Variants in OPHN1 observed in about 807,000 individuals in gnomAD.
OPHN1 encodes the protein oligophrenin 1, also known as oligophrenin-1.
Under a neutral mutation model 60.7 loss-of-function variants are expected in OPHN1, and 11 were observed. The observed-to-expected ratio is 0.18, with a 90% CI of 0.11 to 0.30. The LOEUF (loss-of-function observed/expected upper bound fraction) is 0.30. Among genes scored for constraint, OPHN1 ranks in the 10% least tolerant of loss-of-function variants. OPHN1 has a pLI of 1.00. For synonymous variants in OPHN1, 226 were observed against 222.6 expected, an observed-to-expected ratio of 1.02 and a Z score of -0.14; for missense variants, 449 against 611.0, an observed-to-expected ratio of 0.73 and a Z score of 2.80.
chrX:68,328,771 A>G (rs2078280754), intron 2 of OPHN1, among the ~76,000 whole-genome samples: 1 of 112,159 alleles, frequency 8.9e-6, no homozygotes, highest in Non-Finnish European at 1.9e-5. Flanking sequence ...CTACAAAAAT[A>G]AGCACGTCAC....
At chrX:68,205,979 AGTGTGTGTGTGT>A (rs1228949782) in intron 10 of OPHN1, among the ~76,000 whole-genome samples, 1 of 91,217 alleles carries the variant, frequency 1.1e-5, no homozygotes, top group Non-Finnish European at 2.1e-5. Context: ...AGTGTGTGTG[AGTGTGTGTGTGT>A]GTGTGTGTGT....
At chrX:68,254,054 C>G (rs1314331051) in intron 5 of OPHN1, among the ~76,000 whole-genome samples, 1 of 111,704 alleles carries the variant, frequency 9.0e-6, no homozygotes, top group Admixed American at 9.6e-5. Flanking sequence ...TTACATGTTT[C>G]TCTCTCAGAA....
intron 18 of OPHN1, among the ~76,000 whole-genome samples, chrX:68,108,800 TG>T (rs938001167): frequency 9.0e-6 from 1 of 111,633 alleles, no homozygotes; most frequent in African/African-American, 3.2e-5. Flanking sequence ...TTGCTTTTAT[TG>T]GTGTTCAGTT....
chrX:68,433,138 A>C, intron 1 of OPHN1, 30 bp downstream of exon 1: 6 of 742,067 alleles, frequency 8.1e-6, no homozygotes, highest in Non-Finnish European at 1.2e-5. Context: ...AAGGAAGCTC[A>C]TAGCCTCCGT....
At chrX:68,181,568 T>C (rs912473826) in intron 15 of OPHN1, among the ~76,000 whole-genome samples, 1 of 111,529 alleles carries the variant, frequency 9.0e-6, no homozygotes, top group Non-Finnish European at 1.9e-5. Context: ...TTCACGCCTG[T>C]AATCCGAGCA....
chrX:68,198,718 G>A (rs916787209), intron 11 of OPHN1, among the ~76,000 whole-genome samples: 3 of 111,712 alleles, frequency 2.7e-5, no homozygotes, highest in African/African-American at 6.5e-5. Context: ...AGAGAGTTCA[G>A]CCACCCTGGA....
At chrX:68,144,218 C>T (rs897512072) in intron 15 of OPHN1, among the ~76,000 whole-genome samples, 9 of 109,573 alleles carry the variant, frequency 8.2e-5, no homozygotes, top group South Asian at 4.0e-4. Flanking sequence ...TTGGTAGAGA[C>T]CGGGTTTTGC....
chrX:68,422,394 G>A (rs967424359), intron 2 of OPHN1, among the ~76,000 whole-genome samples: 75 of 107,633 alleles, frequency 7.0e-4, no homozygotes, highest in African/African-American at 2.1e-3. Context: ...ATGGTGGCAC[G>A]TGCCTGTGGT....
At position 68,195,070 on chromosome X, in the gene OPHN1, GA is replaced by G. The variant is rs1237996282; in HGVS notation, c.1105-573del. ...AGGAAGGAAGGAAGGAAGGAAGAAAGAAAGAAAATACTTGAACAATCCCTGA... is the reference window on the plus strand; with the variant it reads ...AGGAAGGAAGGAAGGAAGGAAGAAAGAAGAAAATACTTGAACAATCCCTGA... On this transcript the variant is annotated intron_variant, in intron 12 of 24. Transcript: ENST00000355520. 9.6e-3 allele frequency among the ~76,000 whole-genome samples: 951 copies of G among 99,376 alleles called. 30 individuals are homozygous for G. Among genetic ancestry groups the G allele is most frequent in the African/African-American group, 0.044 (912 of 20,835 alleles). The allele number at this position is 99,376 out of a possible 115,157, so 86.3% of individuals were successfully genotyped here. A position where few individuals can be genotyped will look rare whatever the true frequency, so the allele number is the denominator to read the frequency against.
intron 2 of OPHN1, among the ~76,000 whole-genome samples, chrX:68,416,262 C>T (rs942603987): frequency 3.7e-5 from 4 of 107,980 alleles, no homozygotes; most frequent in African/African-American, 1.4e-4. Context: ...TAGCTGGTCT[C>T]GAACTACTGA....
Position 68,226,122 on chromosome X carries a change from C to T in OPHN1, c.486+8365G>A, listed in dbSNP as rs1028343584. Reference sequence around the variant, plus strand: ...AGCCGATTCGATCAAATGGAAGAAACGGTATCAGTGATGGAAGATGAAATG... The same window carrying T: ...AGCCGATTCGATCAAATGGAAGAAATGGTATCAGTGATGGAAGATGAAATG... On this transcript the variant is annotated intron_variant, in intron 6 of 24. Coordinates refer to ENST00000355520, the MANE Select transcript of OPHN1 (RefSeq NM_002547.3). Among the ~76,000 whole-genome samples, 4 of 111,177 alleles carry T rather than the reference C, an allele frequency of 3.6e-5. No individual in the cohort carries two copies. In the East Asian group the frequency reaches 8.5e-4, roughly 24 times the overall value.
intron 12 of OPHN1, among the ~76,000 whole-genome samples, 171 bp downstream of exon 12, chrX:68,197,015 G>A (rs1262787137): frequency 9.0e-6 from 1 of 111,216 alleles, no homozygotes; most frequent in Non-Finnish European, 1.9e-5. Context: ...AACCTTTCTG[G>A]AACTCCAGTT....
At chrX:68,403,320 A>C (rs1019633949) in intron 2 of OPHN1, among the ~76,000 whole-genome samples, 3 of 111,836 alleles carry the variant, frequency 2.7e-5, no homozygotes, top group Non-Finnish European at 5.6e-5. Context: ...TAAGTGGAAT[A>C]GAATATTGAG....
At chrX:68,265,026 G>GC (rs1270504494) in intron 5 of OPHN1, among the ~76,000 whole-genome samples, 1 of 112,574 alleles carries the variant, frequency 8.9e-6, no homozygotes, top group Non-Finnish European at 1.9e-5. Context: ...AAACAAAGCA[G>GC]CCGGGAAGCT....
chrX:68,214,693 A>G (rs772270626), intron 6 of OPHN1, among the ~76,000 whole-genome samples: 1 of 112,450 alleles, frequency 8.9e-6, no homozygotes, highest in South Asian at 3.7e-4. Context: ...TAAGGCAGAC[A>G]TTGTAGAAAT....
chrX:68,405,819 A>G (rs929431893), intron 2 of OPHN1, among the ~76,000 whole-genome samples: 6 of 111,452 alleles, frequency 5.4e-5, no homozygotes, highest in Admixed American at 4.8e-4. Flanking sequence ...TTGGGACATA[A>G]TGGGCTAAGA....
At chrX:68,193,244 A>G (rs765770917) in intron 14 of OPHN1, among the ~76,000 whole-genome samples, 2 of 112,221 alleles carry the variant, frequency 1.8e-5, no homozygotes. Flanking sequence ...GCATATGCTT[A>G]GTTTGGGCGG....
At chrX:68,217,523 G>A (rs1398496750) in intron 6 of OPHN1, among the ~76,000 whole-genome samples, 1 of 110,466 alleles carries the variant, frequency 9.1e-6, no homozygotes, top group Non-Finnish European at 1.9e-5. Flanking sequence ...AGACTTAAAT[G>A]TCCCTGTCTG....
chrX:68,317,576 A>AAAGAAAGG (rs763612398), intron 2 of OPHN1, among the ~76,000 whole-genome samples: 8 of 83,524 alleles, frequency 9.6e-5, no homozygotes, highest in African/African-American at 6.2e-4. Flanking sequence ...AGAAAGAAAG[A>AAAGAAAGG]GAAAGAAAGA....
Sources: gnomAD v4.1 joint callset for allele counts (sites outside exome capture counted in the v4.1 genomes callset) on GRCh38, gnomAD v4.1.1 for gene constraint, MANE v1.5 for transcripts, NCBI Gene and HGNC (gene_info 2026-07-23, HGNC 2026-07-21) for gene names.